Variants in MUC3A observed in about 807,000 individuals in gnomAD.
The protein encoded by MUC3A is mucin-3A.
A neutral mutation model predicts 109.0 loss-of-function variants in MUC3A; 109 were observed. That is an observed-to-expected ratio of 1.00 (90% CI 0.86 to 1.17). The LOEUF is 1.17. Ranked by LOEUF, MUC3A falls within the 50% of genes most tolerant of loss-of-function variation. The pLI, the probability that MUC3A is intolerant of heterozygous loss-of-function variation, is 0.00. For missense variants in MUC3A, 3,537 were observed against 2,469.4 expected, an observed-to-expected ratio of 1.43 and a Z score of -9.16; for synonymous variants, 1,398 against 981.4, an observed-to-expected ratio of 1.42 and a Z score of -7.93.
intron 4 of MUC3A, 74 bp from the exon 5 acceptor site, chr7:100,963,614 A>C: frequency 6.3e-7 from 1 of 1,595,160 alleles, no homozygotes; most frequent in Non-Finnish European, 8.5e-7. Context: ...TCTTCCCTGG[A>C]GCTGGGGTTG....
chr7:100,950,906 GTC>G (rs1277089703), intron 1 of MUC3A, among the ~76,000 whole-genome samples: 2 of 152,310 alleles, frequency 1.3e-5, no homozygotes, highest in Non-Finnish European at 1.5e-5. Context: ...TTTCTATGCT[GTC>G]TCTCTGCCTC....
rs1447520262 is a variant in MUC3A at position 100,959,518 on chromosome 7, C to A, written c.7739C>A (p.Thr2580Asn). Reference sequence around the variant, plus strand: ...GTTATACCTGAAACCCCAACACAGACCCCTCCTGTACTGACGTCAGCCACT... The same window carrying A: ...GTTATACCTGAAACCCCAACACAGAACCCTCCTGTACTGACGTCAGCCACT... ...IVVIPETPTQ[T>N]PPVLTSATGT... The change falls in exon 2 of 12, where the codon ACC (threonine) becomes AAC (asparagine). Residue 2580 changes from threonine to asparagine, a missense_variant. Coordinates refer to ENST00000379458, the MANE Select transcript of MUC3A (RefSeq NM_005960.2). 2 of 1,582,774 alleles carry A rather than the reference C, an allele frequency of 1.3e-6. No homozygotes were observed. Among genetic ancestry groups the A allele is most frequent in the Non-Finnish European group, 8.5e-7 (1 of 1,173,678 alleles).
intron 8 of MUC3A, 178 bp downstream of exon 8, chr7:100,966,044 G>GCCCCGTCGCCCTAAAGTGTAGCCCCGC (rs1792529883): frequency 4.9e-6 from 4 of 823,282 alleles, no homozygotes; most frequent in Non-Finnish European, 7.2e-6. Context: ...CTGGAGCTCT[G>GCCCCGTCGCCCTAAAGTGTAGCCCCGC]CTCCTTTGAT....
In MUC3A at chr7:100,960,889, A is replaced by G. The variant is rs764753997; in HGVS notation, c.9004A>G (p.Thr3002Ala). The change falls in exon 3 of 12, where the codon ACC becomes GCC. Residue 3002 changes from threonine to alanine, a missense_variant. Coordinates refer to ENST00000379458, the MANE Select transcript of MUC3A (RefSeq NM_005960.2). ...WDGLKCQCPS[T>A]FYGSSCEFAV... ...TGGCCTCAAATGCCAGTGCCCCAGC[A>G]CCTTCTATGGTTCCAGTTGTGAGTT... The G allele has an allele frequency of 6.3e-7, 1 of 1,598,542 alleles. No individual in the cohort carries two copies. The highest frequency in any genetic ancestry group is 8.5e-7 in the Non-Finnish European group (1 of 1,179,822).
chr7:100,966,701 G>C lies in MUC3A; in HGVS notation c.9835G>C (p.Val3279Leu). ...GTTCGAGACCTGGGATGAGGAAGTCGTGGGCACTTTTTCAAACTGGGGTTT... is the reference window on the plus strand; with the variant it reads ...GTTCGAGACCTGGGATGAGGAAGTCCTGGGCACTTTTTCAAACTGGGGTTT... ...KWFETWDEEVVGTFSNWGFED... is the reference protein window; with the variant it reads ...KWFETWDEEVLGTFSNWGFED... Residue 3279 changes from valine (V) to leucine (L), a missense_variant, in exon 10 of 12, where the codon GTG becomes CTG. Transcript: ENST00000379458. 1.3e-6 allele frequency: 2 copies of C among 1,598,556 alleles called. No homozygotes were observed. The highest frequency in any genetic ancestry group is 1.7e-6 in the Non-Finnish European group (2 of 1,179,834).
At position 100,961,040 on chromosome 7, in the gene MUC3A, T is replaced by C. The variant is rs925921539; in HGVS notation, c.9052+103T>C. ...GGGCCTGGAGGCACCCATGCCTTTT[T>C]GCCCGGTCCTTCCCTCCCTGCCATC... On this transcript the variant is annotated intron_variant, in intron 3 of 11. Transcript: ENST00000379458. The C allele has an allele frequency of 1.9e-6, 3 of 1,570,530 alleles. No homozygotes were observed. In the African/African-American group the frequency reaches 4.0e-5, roughly 21 times the overall value.
chr7:100,965,000 G>T, intron 6 of MUC3A, 157 bp downstream of exon 6: 1 of 1,237,656 alleles, frequency 8.1e-7, no homozygotes, highest in Non-Finnish European at 1.1e-6. Context: ...GTCAAGGGTG[G>T]GGCTAGGGAG....
rs1792080948 is a variant in MUC3A, at chr7:100,955,807, T to C, written c.4028T>C (p.Val1343Ala). The C allele has an allele frequency of 3.8e-5, 17 of 443,264 alleles. No homozygotes were observed. Among genetic ancestry groups the C allele is most frequent in the Non-Finnish European group, 5.9e-5 (15 of 254,346 alleles). 27.5% of individuals were successfully genotyped at this position (443,264 alleles called of 1,614,324 possible). A position where few individuals can be genotyped will look rare whatever the true frequency, so the allele number is the denominator to read the frequency against. Residue 1343 changes from valine (V) to alanine (A), a missense_variant, in exon 2 of 12, where the codon GTA (valine) becomes GCA (alanine). Coordinates refer to ENST00000379458, the MANE Select transcript of MUC3A (RefSeq NM_005960.2). Reference sequence around the variant, plus strand: ...ACGATGGAACCACCTTCAACCACTGTAGCGACTACAGGCACAGGTCAGACC... The same window carrying C: ...ACGATGGAACCACCTTCAACCACTGCAGCGACTACAGGCACAGGTCAGACC... Reference protein sequence around the residue: ...SPTMEPPSTTVATTGTGQTTF... With the variant: ...SPTMEPPSTTAATTGTGQTTF...
In MUC3A at chr7:100,956,235, A is replaced by G; in HGVS notation, c.4456A>G (p.Thr1486Ala). ...TTEITYPTTM[T>A]ETSSTATSLP... Reference sequence around the variant, plus strand: ...TGAAATCACCTATCCCACCACTATGACAGAGACATCATCTACTGCCACCTC... The same window carrying G: ...TGAAATCACCTATCCCACCACTATGGCAGAGACATCATCTACTGCCACCTC... The change falls in exon 2 of 12, where the codon ACA becomes GCA. Residue 1486 changes from threonine to alanine, a missense_variant. Coordinates refer to ENST00000379458, the MANE Select transcript of MUC3A (RefSeq NM_005960.2). 4 of 488,190 alleles carry G rather than the reference A, an allele frequency of 8.2e-6. No individual in the cohort carries two copies. The highest frequency in any genetic ancestry group is 2.8e-4 in the Middle Eastern group (1 of 3,514). 30.2% of individuals were successfully genotyped at this position (488,190 alleles called of 1,614,324 possible).
chr7:100,959,518 C>G lies in MUC3A; in HGVS notation c.7739C>G (p.Thr2580Ser), dbSNP rs1447520262. ...IVVIPETPTQ[T>S]PPVLTSATGT... ...GTTATACCTGAAACCCCAACACAGA[C>G]CCCTCCTGTACTGACGTCAGCCACT... Residue 2580 changes from threonine (T) to serine (S), a missense_variant, in exon 2 of 12, where the codon ACC becomes AGC. Transcript: ENST00000379458. 6.3e-7 allele frequency: 1 copy of G among 1,582,776 alleles called. No individual in the cohort carries two copies. The highest frequency in any genetic ancestry group is 8.5e-7 in the Non-Finnish European group (1 of 1,173,680).
chr7:100,963,864 G>A lies in MUC3A; in HGVS notation c.9233+112G>A, dbSNP rs1792428012. Reference sequence around the variant, plus strand: ...ATCAGATTTTATAAAGAGGGGTGGAGGGGGTACATAAGGAATCACTCCCTG... The same window carrying A: ...ATCAGATTTTATAAAGAGGGGTGGAAGGGGTACATAAGGAATCACTCCCTG... On this transcript the variant is annotated intron_variant, in intron 5 of 11. Transcript: ENST00000379458. The A allele has an allele frequency of 2.7e-6, 4 of 1,476,426 alleles. No individual in the cohort carries two copies. The South Asian group carries it at 4.8e-5, about 18-fold the overall frequency. The allele number at this position is 1,476,426 out of a possible 1,614,324, so 91.5% of individuals were successfully genotyped here. A position where few individuals can be genotyped will look rare whatever the true frequency, so the allele number is the denominator to read the frequency against.
At position 100,966,402 on chromosome 7, in the gene MUC3A, A is replaced by T. The variant is rs1447579644; in HGVS notation, c.9628A>T (p.Thr3210Ser). 1.5e-6 allele frequency: 2 copies of T among 1,346,598 alleles called. No homozygotes were observed. Among genetic ancestry groups the T allele is most frequent in the South Asian group, 2.5e-5 (1 of 40,486 alleles). 83.4% of individuals were successfully genotyped at this position (1,346,598 alleles called of 1,614,324 possible). A position where few individuals can be genotyped will look rare whatever the true frequency, so the allele number is the denominator to read the frequency against. Residue 3210 changes from threonine (T) to serine (S), a missense_variant, in exon 9 of 12, where the codon ACG (threonine) becomes TCG (serine). By Grantham distance (58) the Thr-to-Ser change is moderately conservative. Transcript: ENST00000379458. ...CTCCCGCAGCTGCTACTCCACCGAC[A>T]CGCACTGGTTCTCTGGCCCGCGCTG... ...GPTCRCYSTD[T>S]HWFSGPRCEV...
chr7:100,964,988 G>C lies in MUC3A; in HGVS notation c.9382+145G>C, dbSNP rs80244087. The C allele has an allele frequency of 5.8e-3, 6 of 1,040 alleles. No homozygotes were observed. In the African/African-American group the frequency reaches 0.12, roughly 22 times the overall value. 0.1% of individuals were successfully genotyped at this position (1,040 alleles called of 1,614,324 possible). The stretch of plus-strand genomic sequence containing the variant: ...AAGGGGAATAAGTCCACACACAACG[G>C]TGTCAAGGGTGGGGCTAGGGAGGGT... On this transcript the variant is annotated intron_variant, in intron 6 of 11. Transcript: ENST00000379458.
rs762084357 is a variant in MUC3A at position 100,965,341 on chromosome 7, CCG to C, written c.9443_9444del (p.Pro3148ArgfsTer13). Reference protein sequence around the residue: ...VNNNSKTELTPAAICRRAAPT... With the variant: ...VNNNSKTELTXAAICRRAAPT... ...CAACAACAGCAAGACAGAGCTGACCCCGGCAGGTAAGGGTGGGGTAAAGGGCT... is the reference window on the plus strand; with the variant it reads ...CAACAACAGCAAGACAGAGCTGACCCGCAGGTAAGGGTGGGGTAAAGGGCT... On this transcript the variant is annotated frameshift_variant, in exon 7 of 12. Transcript: ENST00000379458. LOFTEE classifies it high-confidence loss of function. The C allele has an allele frequency of 7.5e-6, 12 of 1,598,564 alleles. No individual in the cohort carries two copies. In the East Asian group the frequency reaches 1.1e-4, roughly 15 times the overall value.
chr7:100,964,544 G>A (rs1792456005), intron 5 of MUC3A, 151 bp from the exon 6 acceptor site: 2 of 1,295,542 alleles, frequency 1.5e-6, no homozygotes, highest in South Asian at 1.7e-5. Flanking sequence ...AATGCTGGCA[G>A]CCCCTTCTGA....
At position 100,958,294 on chromosome 7, in the gene MUC3A, C is replaced by T; in HGVS notation, c.6515C>T (p.Ser2172Leu). 2.7e-6 allele frequency: 1 copy of T among 373,992 alleles called. No homozygotes were observed. The highest frequency in any genetic ancestry group is 4.3e-6 in the Non-Finnish European group (1 of 233,056). The allele number at this position is 373,992 out of a possible 1,614,324, so 23.2% of individuals were successfully genotyped here. The change falls in exon 2 of 12, where the codon TCA (serine) becomes TTA (leucine). Residue 2172 changes from serine (S) to leucine (L), a missense_variant. Coordinates refer to ENST00000379458, the MANE Select transcript of MUC3A (RefSeq NM_005960.2). ...TTGATCACCACCACGGAGACCACCT[C>T]ACACAGGTGGGGGACCACCGAGACC... is the stretch of plus-strand genomic sequence containing the variant. The part of the protein sequence containing the change: ...TSLITTTETT[S>L]HRWGTTETTS...
At chr7:100,950,662 C>T (rs1791909509) in intron 1 of MUC3A, among the ~76,000 whole-genome samples, 1 of 152,308 alleles carries the variant, frequency 6.6e-6, no homozygotes, top group African/African-American at 2.4e-5. Flanking sequence ...GCCTGTCTTC[C>T]TTGTCCCTGA....
rs1218830755 is a variant in MUC3A at position 100,960,556 on chromosome 7, C to G, written c.8777C>G (p.Thr2926Ser). ...TTRTSETPVATTQTPTTLTSR... is the reference protein window; with the variant it reads ...TTRTSETPVASTQTPTTLTSR... ...AGGACTTCAGAGACACCAGTGGCCA[C>G]TACCCAGACTCCTACCACCCTTACA... is the stretch of plus-strand genomic sequence containing the variant. Residue 2926 changes from threonine to serine, a missense_variant, in exon 2 of 12, where the codon ACT becomes AGT. Physicochemically the swap from Thr to Ser is moderately conservative, Grantham distance 58 (BLOSUM62 1). Transcript: ENST00000379458. 2 of 1,598,748 alleles carry G rather than the reference C, an allele frequency of 1.3e-6. No individual in the cohort carries two copies. The highest frequency in any genetic ancestry group is 1.7e-5 in the Admixed American group (1 of 60,034).
At position 100,967,643 on chromosome 7, in the gene MUC3A, C is replaced by G; in HGVS notation, c.*481C>G. ...CTGTTTCTTACTTTGAACCTGGAGGCAGCCTGCAGCCCCATCCCATCTCCT... is the reference window on the plus strand; with the variant it reads ...CTGTTTCTTACTTTGAACCTGGAGGGAGCCTGCAGCCCCATCCCATCTCCT... On this transcript the variant is annotated 3_prime_UTR_variant, in exon 12 of 12. Transcript: ENST00000379458. 1 of 252,660 alleles carries G rather than the reference C, an allele frequency of 4.0e-6. No homozygotes were observed. The highest frequency in any genetic ancestry group is 1.0e-4 in the East Asian group (1 of 10,048). 15.7% of individuals were successfully genotyped at this position (252,660 alleles called of 1,614,324 possible).
Sources: allele counts gnomAD v4.1 joint callset (sites outside exome capture counted in the v4.1 genomes callset), GRCh38; gene constraint gnomAD v4.1.1; transcripts MANE v1.5; gene names NCBI Gene and HGNC (gene_info 2026-07-23, HGNC 2026-07-21).